CNTNAP2: variants seen among roughly 807,000 people sequenced by gnomAD.
CNTNAP2 encodes the protein contactin associated protein 2.
Under a neutral mutation model 155.2 loss-of-function variants are expected in CNTNAP2, and 98 were observed. That is an observed-to-expected ratio of 0.63 (90% confidence interval 0.54 to 0.75). The LOEUF (loss-of-function observed/expected upper bound fraction) is 0.75. Among genes scored for constraint, CNTNAP2 ranks in the 30% least tolerant of loss-of-function variants. The pLI, the probability that CNTNAP2 is intolerant of heterozygous loss-of-function variation, is 0.00. For synonymous variants in CNTNAP2, 651 were observed against 631.2 expected, an observed-to-expected ratio of 1.03 and a Z score of -0.47; for missense variants, 1,727 against 1,688.1, an observed-to-expected ratio of 1.02 and a Z score of -0.40.
At chr7:147,913,602 G>T (rs1800106786) in intron 14 of CNTNAP2, among the ~76,000 whole-genome samples, 2 of 152,148 alleles carry the variant, frequency 1.3e-5, no homozygotes, top group Admixed American at 6.5e-5. Flanking sequence ...TTTAAAAAAG[G>T]TTTCTAACAT....
At chr7:146,822,702 C>A (rs1281813550) in intron 2 of CNTNAP2, among the ~76,000 whole-genome samples, 1 of 138,434 alleles carries the variant, frequency 7.2e-6, no homozygotes, top group Non-Finnish European at 1.5e-5. Context: ...TATAAATATT[C>A]TTAAGTATAC....
chr7:147,903,818 A>C, intron 14 of CNTNAP2, 97 bp downstream of exon 14: 1 of 1,425,664 alleles, frequency 7.0e-7, no homozygotes, highest in Non-Finnish European at 9.6e-7. Flanking sequence ...TGCTATAATA[A>C]TACGATAATA....
At chr7:148,310,357 C>T (rs536487937) in intron 21 of CNTNAP2, among the ~76,000 whole-genome samples, 5 of 152,278 alleles carry the variant, frequency 3.3e-5, no homozygotes, top group South Asian at 2.1e-4. Context: ...AAGGCCTCAG[C>T]GGTTTTGGAG....
At chr7:146,532,804 G>C (rs377410576) in intron 1 of CNTNAP2, among the ~76,000 whole-genome samples, 1 of 152,072 alleles carries the variant, frequency 6.6e-6, no homozygotes, top group Non-Finnish European at 1.5e-5. Context: ...AGCAGAATTG[G>C]CCAGGCGTGG....
intron 1 of CNTNAP2, among the ~76,000 whole-genome samples, chr7:146,335,463 G>A (rs1279763665): frequency 6.6e-6 from 1 of 152,074 alleles, no homozygotes; most frequent in East Asian, 1.9e-4. Flanking sequence ...TCTTAAGAAG[G>A]AGCCCTCCTC....
At chr7:147,085,669 T>G (rs1290112265) in intron 4 of CNTNAP2, 4 of 152,258 alleles carry the variant, frequency 2.6e-5, no homozygotes, top group Non-Finnish European at 5.9e-5. Flanking sequence ...ATTCTGTAAG[T>G]GTAAACATTT....
intron 3 of CNTNAP2, among the ~76,000 whole-genome samples, chr7:146,926,591 G>A (rs188034869): frequency 6.6e-6 from 1 of 152,176 alleles, no homozygotes; most frequent in Non-Finnish European, 1.5e-5. Flanking sequence ...TTAGTACTCA[G>A]TCTATTACCC....
chr7:147,346,920 C>G (rs572288487), intron 9 of CNTNAP2, among the ~76,000 whole-genome samples: 1 of 151,978 alleles, frequency 6.6e-6, no homozygotes. Context: ...CCTGTTTTTA[C>G]TTGGTTGTAG....
chr7:147,180,352 C>A (rs1341877568), intron 8 of CNTNAP2, among the ~76,000 whole-genome samples: 1 of 152,110 alleles, frequency 6.6e-6, no homozygotes, highest in Non-Finnish European at 1.5e-5. Context: ...TTGGAAATTA[C>A]TCTTCCTATT....
At chr7:146,953,040 T>C (rs1276106738) in intron 3 of CNTNAP2, among the ~76,000 whole-genome samples, 2 of 152,082 alleles carry the variant, frequency 1.3e-5, no homozygotes, top group Admixed American at 6.6e-5. Flanking sequence ...TTACTTCTAT[T>C]GAAATCTTGG....
intron 1 of CNTNAP2, among the ~76,000 whole-genome samples, chr7:146,369,397 A>G (rs1212121780): frequency 6.6e-6 from 1 of 152,144 alleles, no homozygotes; most frequent in African/African-American, 2.4e-5. Flanking sequence ...ACATTTTGCA[A>G]GTACATCTAT....
At chr7:146,378,240 G>T (rs1795331560) in intron 1 of CNTNAP2, among the ~76,000 whole-genome samples, 1 of 150,124 alleles carries the variant, frequency 6.7e-6, no homozygotes, top group Admixed American at 6.6e-5. Context: ...TTGTAATCTT[G>T]GTTGTGAGAT....
At chr7:148,114,002 T>A (rs10270307) in intron 15 of CNTNAP2, among the ~76,000 whole-genome samples, 10,315 of 152,292 alleles carry the variant, frequency 0.068, 403 homozygotes, top group African/African-American at 0.088. Context: ...GCCTGGTCCC[T>A]GCCACCTCCT....
chr7:147,051,221 T>C (rs920063724), intron 4 of CNTNAP2, among the ~76,000 whole-genome samples: 1 of 149,312 alleles, frequency 6.7e-6, no homozygotes, highest in African/African-American at 2.4e-5. Context: ...TAAGAATTTA[T>C]GTTTACATCA....
chr7:147,059,727 A>C (rs1355928431), intron 4 of CNTNAP2, among the ~76,000 whole-genome samples: 1 of 152,170 alleles, frequency 6.6e-6, no homozygotes, highest in Non-Finnish European at 1.5e-5. Context: ...ACAAAGATGC[A>C]AAACAGGTAA....
intron 3 of CNTNAP2, among the ~76,000 whole-genome samples, chr7:147,014,990 G>A (rs1048850806): frequency 9.9e-5 from 15 of 151,840 alleles, no homozygotes; most frequent in African/African-American, 3.4e-4. Context: ...TCATATAAAA[G>A]TTATTTGTAA....
At chr7:146,364,675 A>G (rs775181214) in intron 1 of CNTNAP2, among the ~76,000 whole-genome samples, 1 of 152,214 alleles carries the variant, frequency 6.6e-6, no homozygotes, top group Non-Finnish European at 1.5e-5. Flanking sequence ...ATATACAATT[A>G]GTTTAAAAAA....
chr7:146,194,139 C>G lies in CNTNAP2; in HGVS notation c.97+77166C>G, dbSNP rs1262597403. Among the ~76,000 whole-genome samples the G allele has an allele frequency of 3.3e-5, 5 of 152,288 alleles. No individual in the cohort carries two copies. In the East Asian group the frequency reaches 9.7e-4, roughly 29 times the overall value. ...ATTTTCCTGTCTTCTTCTGAGCTCTCCAAACTGTTCCAAGCTCTGCCTGTT... is the reference window on the plus strand; with the variant it reads ...ATTTTCCTGTCTTCTTCTGAGCTCTGCAAACTGTTCCAAGCTCTGCCTGTT... On this transcript the variant is annotated intron_variant, in intron 1 of 23. Transcript: ENST00000361727.
chr7:146,786,567 C>T (rs1802577734), intron 2 of CNTNAP2, among the ~76,000 whole-genome samples: 1 of 152,314 alleles, frequency 6.6e-6, no homozygotes, highest in South Asian at 2.1e-4. Context: ...GTTTACTCAT[C>T]CTCTTGCTTT....
Sources: gnomAD v4.1 joint callset for allele counts (sites outside exome capture counted in the v4.1 genomes callset) on GRCh38, gnomAD v4.1.1 for gene constraint, MANE v1.5 for transcripts, NCBI Gene and HGNC (gene_info 2026-07-23, HGNC 2026-07-21) for gene names.